The following MATR3 variants were observed in gnomAD, a reference collection of about 807,000 sequenced individuals.
MATR3 encodes the protein matrin-3.
A neutral mutation model predicts 85.5 loss-of-function variants in MATR3; 4 were observed. That is an observed-to-expected ratio of 0.05 (90% CI 0.02 to 0.11). The LOEUF (loss-of-function observed/expected upper bound fraction) is 0.11, where lower values mean the gene tolerates loss of function less well. Among genes scored for constraint, MATR3 ranks in the 10% least tolerant of loss-of-function variants. MATR3 has a pLI of 1.00. For synonymous variants in MATR3, 336 were observed against 343.1 expected (o/e 0.98, Z 0.23); for missense variants, 685 against 1,016.1 (o/e 0.67, Z 4.43).
intron 1 of MATR3, among the ~76,000 whole-genome samples, chr5:139,301,789 T>C (rs1422081067): frequency 1.3e-5 from 2 of 152,248 alleles, no homozygotes; most frequent in South Asian, 4.1e-4. Context: ...AGTTCTAATC[T>C]GAAACTATTT....
At chr5:139,289,933 C>G (rs912124867), upstream of MATR3, among the ~76,000 whole-genome samples, 5 of 152,194 alleles carry the variant, frequency 3.3e-5, no homozygotes, top group Admixed American at 6.5e-5. Context: ...TTGTAGATGT[C>G]ATTGGTCTTC....
intron 1 of MATR3, among the ~76,000 whole-genome samples, chr5:139,302,872 A>G (rs1206756331): frequency 1.3e-5 from 2 of 152,240 alleles, no homozygotes; most frequent in Non-Finnish European, 2.9e-5. Flanking sequence ...ATTTCTTGCA[A>G]TTCAGAAGAG....
intron 2 of MATR3, chr5:139,314,423 G>T: frequency 2.3e-6 from 1 of 441,130 alleles, no homozygotes; most frequent in Admixed American, 3.4e-5. Flanking sequence ...TCTTTTCCCT[G>T]TCAAATATCT....
Position 139,321,762 on chromosome 5 carries a change from G to T in MATR3, c.1603-136G>T. On this transcript the variant is annotated intron_variant, in intron 9 of 14. Transcript: ENST00000394805. ...TGCGCCACTGCATTCCAGCCTGGGT[G>T]ACACAGTGAGACCCTGTCTCAAAAA... 4.6e-6 allele frequency: 4 copies of T among 877,876 alleles called. No homozygotes were observed. In the South Asian group the frequency reaches 6.6e-5, roughly 15 times the overall value. 54.4% of individuals were successfully genotyped at this position (877,876 alleles called of 1,614,324 possible). A position where few individuals can be genotyped will look rare whatever the true frequency, so the allele number is the denominator to read the frequency against.
intron 1 of MATR3, among the ~76,000 whole-genome samples, chr5:139,296,892 A>G (rs1243957860): frequency 6.6e-6 from 1 of 152,222 alleles, no homozygotes; most frequent in Non-Finnish European, 1.5e-5. Context: ...CTAAAAGTGG[A>G]TGATTGCGGC....
intron 1 of MATR3, chr5:139,294,128 C>A (rs1394977450): frequency 8.0e-6 from 9 of 1,128,804 alleles, no homozygotes; most frequent in Non-Finnish European, 1.0e-5. Context: ...GCTTCCTGCG[C>A]GTCCTGGGCT....
chr5:139,326,051 T>C, intron 13 of MATR3, 112 bp from the exon 14 acceptor site: 1 of 1,017,020 alleles, frequency 9.8e-7, no homozygotes, highest in Non-Finnish European at 1.5e-6. Context: ...TTAGGCTGTA[T>C]TGGACTTCTC....
chr5:139,317,062 A>G lies in MATR3; in HGVS notation c.1139A>G (p.Asn380Ser), dbSNP rs948428305. The change falls in exon 6 of 15, where the codon AAT (asparagine) becomes AGT (serine). Residue 380 changes from asparagine to serine, a missense_variant. Around this residue, in one of 9 missense-constraint regions of MATR3, gnomAD observed 223 missense variants for 334.4 expected, o/e 0.67. Transcript: ENST00000394805. ...VGPRGNLGAG[N>S]GNLQGPRHMQ... ...TTCTCTTCCCATAAAGGTGCTGGAA[A>G]TGGAAACCTGCAAGGACCTAGACAC... 7 of 1,613,974 alleles carry G rather than the reference A, an allele frequency of 4.3e-6. No individual in the cohort carries two copies. The African/African-American group carries it at 8.0e-5, about 18-fold the overall frequency.
At chr5:139,318,719 AC>A (rs775874083) in intron 7 of MATR3, among the ~76,000 whole-genome samples, 188 bp from the exon 8 acceptor site, 34 of 152,396 alleles carry the variant, frequency 2.2e-4, no homozygotes, top group Admixed American at 8.5e-4. Context: ...TGTTGGGATT[AC>A]AGGCATGAGA....
intron 2 of MATR3, chr5:139,310,064 T>C (rs1754893719): frequency 6.6e-6 from 1 of 152,210 alleles, no homozygotes; most frequent in Admixed American, 6.5e-5. Flanking sequence ...ATGAGAGGAC[T>C]TCGAGAAAAG....
intron 1 of MATR3, among the ~76,000 whole-genome samples, chr5:139,304,075 T>A (rs2151951203): frequency 6.6e-6 from 1 of 152,316 alleles, no homozygotes; most frequent in South Asian, 2.1e-4. Context: ...TACATAGGGA[T>A]GATACTCAGA....
At chr5:139,314,856 T>C in intron 3 of MATR3, 120 bp downstream of exon 3, 5 of 838,758 alleles carry the variant, frequency 6.0e-6, no homozygotes, top group South Asian at 5.6e-5. Context: ...ATAGTGGTAC[T>C]GTATGGACAA....
intron 1 of MATR3, among the ~76,000 whole-genome samples, chr5:139,301,021 G>C (rs1201797781): frequency 6.6e-6 from 1 of 152,052 alleles, no homozygotes; most frequent in Non-Finnish European, 1.5e-5. Context: ...CCCCATGTTG[G>C]CCAAGCTGGT....
chr5:139,320,305 C>A (rs1264964507), intron 9 of MATR3, among the ~76,000 whole-genome samples: 1 of 151,338 alleles, frequency 6.6e-6, no homozygotes, highest in Non-Finnish European at 1.5e-5. Flanking sequence ...AAGACTCCAT[C>A]TCAAAAAAAA....
At chr5:139,274,144 A>G in exon 1 of MATR3, 1 of 433,782 alleles carries the variant, frequency 2.3e-6, no homozygotes, top group South Asian at 1.6e-5. Flanking sequence ...CGCCCTGCGG[A>G]GCTCCGAACA....
chr5:139,275,142 ATTTTTTTTTTTTTTT>A (rs750841386), intron 1 of MATR3, among the ~76,000 whole-genome samples: 3 of 40,890 alleles, frequency 7.3e-5, no homozygotes, highest in East Asian at 5.5e-4. Flanking sequence ...CGCCCGGCTA[ATTTTTTTTTTTTTTT>A]TTTTTTTTTT....
At chr5:139,279,051 A>G (rs1240005725) in exon 3 of MATR3, 2 of 474,772 alleles carry the variant, frequency 4.2e-6, no homozygotes, top group African/African-American at 2.0e-5. Flanking sequence ...TGAATCCTAG[A>G]TGCCTTCACC....
rs955802528 is a variant in MATR3 at position 139,301,928 on chromosome 5, A to G, written c.-177-5311A>G. On this transcript the variant is annotated intron_variant, in intron 1 of 14. Transcript: ENST00000394805. ...TTCTGTCTTCTCAGCAGCTGACGCC[A>G]CTCTGCAACATTCTTGTCATTCATT... Among the ~76,000 whole-genome samples, 9 of 152,180 alleles carry G rather than the reference A, an allele frequency of 5.9e-5. No individual in the cohort carries two copies. The South Asian group carries it at 1.7e-3, about 28-fold the overall frequency.
chr5:139,319,860 CTTTTTTTTTT>C (rs58123057), intron 9 of MATR3, among the ~76,000 whole-genome samples: 717 of 44,182 alleles, frequency 0.016, 14 homozygotes, highest in African/African-American at 0.053. Flanking sequence ...AAAAAATTTG[CTTTTTTTTTT>C]TTTTTTTTTT....
Sources: allele counts gnomAD v4.1 joint callset (sites outside exome capture counted in the v4.1 genomes callset), GRCh38; gene constraint gnomAD v4.1.1; regional missense constraint gnomAD v4.1.1; transcripts MANE v1.5; gene names NCBI Gene and HGNC (gene_info 2026-07-23, HGNC 2026-07-21).